Variants in PPIL6 observed in about 807,000 individuals in gnomAD.
PPIL6 encodes the protein peptidylprolyl isomerase like 6.
Under a neutral mutation model 36.8 loss-of-function variants are expected in PPIL6, and 39 were observed. That is an observed-to-expected ratio of 1.06 (90% CI 0.82 to 1.38). PPIL6 has a LOEUF of 1.38. PPIL6 is among the 40% of genes most tolerant of loss of function. The pLI is 0.00. For synonymous variants in PPIL6, 123 were observed against 134.1 expected, an observed-to-expected ratio of 0.92 and a Z score of 0.57; for missense variants, 368 against 379.1, an observed-to-expected ratio of 0.97 and a Z score of 0.24.
rs113551855 is a variant in PPIL6, at chr6:109,436,322, G to T, written c.136-123C>A. On this transcript the variant is annotated intron_variant, in intron 1 of 7. Transcript: ENST00000521072. ...AACACAAGCCCAGGCCATGCAGTCC[G>T]ACTGAGATATTCCTTGCTCGCTGTC... is the stretch of plus-strand genomic sequence containing the variant. 1,909 of 623,514 alleles carry T rather than the reference G, an allele frequency of 3.1e-3. 7 individuals carry two copies. Among genetic ancestry groups the T allele is most frequent in the Non-Finnish European group, 4.7e-3 (1,632 of 350,894 alleles). The allele number at this position is 623,514 out of a possible 1,614,324, so 38.6% of individuals were successfully genotyped here.
In PPIL6 at chr6:109,401,628, C is replaced by A. The variant is rs1772543438; in HGVS notation, c.689-1458G>T. Among the ~76,000 whole-genome samples the A allele has an allele frequency of 2.0e-5, 3 of 152,066 alleles. No individual in the cohort carries two copies. In the South Asian group the frequency reaches 6.2e-4, roughly 31 times the overall value. ...ATGAGTCTATATAATTACGCTGATG[C>A]TCCTTATTCATTTCAGTGAAATAAA... On this transcript the variant is annotated intron_variant, in intron 6 of 7. Transcript: ENST00000521072.
At chr6:109,435,319 G>C (rs1421005984) in intron 2 of PPIL6, among the ~76,000 whole-genome samples, 2 of 137,848 alleles carry the variant, frequency 1.5e-5, no homozygotes, top group African/African-American at 5.5e-5. Context: ...TTTTTTTGGA[G>C]ACAGAGTCTC....
At chr6:109,412,619 G>A (rs1773063583) in intron 6 of PPIL6, among the ~76,000 whole-genome samples, 1 of 152,086 alleles carries the variant, frequency 6.6e-6, no homozygotes, top group Non-Finnish European at 1.5e-5. Flanking sequence ...TTCAACAAAG[G>A]TGCCAAGAAC....
chr6:109,441,011 G>A (rs926515094), upstream of PPIL6: 4 of 1,116,158 alleles, frequency 3.6e-6, no homozygotes, highest in Non-Finnish European at 5.3e-6. Flanking sequence ...TGTGCGCGCC[G>A]CCTGCGAAGA....
At chr6:109,394,089 G>T (rs917308272) in intron 7 of PPIL6, among the ~76,000 whole-genome samples, 1 of 151,866 alleles carries the variant, frequency 6.6e-6, no homozygotes, top group African/African-American at 2.4e-5. Context: ...TGCTAGTTTC[G>T]ACTGGATGTG....
At chr6:109,435,977 G>A (rs564351936) in intron 2 of PPIL6, 127 bp downstream of exon 2, 8 of 727,374 alleles carry the variant, frequency 1.1e-5, no homozygotes, top group Admixed American at 2.2e-5. Context: ...GGAAAAGTAC[G>A]TAATGTAGAG....
At chr6:109,430,041 C>T (rs992425239) in intron 3 of PPIL6, among the ~76,000 whole-genome samples, 5 of 152,206 alleles carry the variant, frequency 3.3e-5, no homozygotes, top group African/African-American at 1.2e-4. Flanking sequence ...TAAATGCCTC[C>T]CCACACCCCA....
chr6:109,440,721 T>C, upstream of PPIL6: 1 of 610,396 alleles, frequency 1.6e-6, no homozygotes, highest in Non-Finnish European at 2.2e-6. Flanking sequence ...CGGCTGGGCC[T>C]TTCCTCAACT....
intron 6 of PPIL6, among the ~76,000 whole-genome samples, chr6:109,405,400 C>A (rs1396173426): frequency 6.6e-6 from 1 of 152,160 alleles, no homozygotes; most frequent in African/African-American, 2.4e-5. Flanking sequence ...CAGGTTCTTA[C>A]CTCCATCCCT....
intron 1 of PPIL6, among the ~76,000 whole-genome samples, chr6:109,437,788 T>G (rs566094006): frequency 6.6e-6 from 1 of 152,258 alleles, no homozygotes; most frequent in East Asian, 1.9e-4. Context: ...CAGGCTGGTC[T>G]TGAACTCCTG....
chr6:109,395,763 C>T (rs1394868757), intron 7 of PPIL6, among the ~76,000 whole-genome samples: 7 of 151,590 alleles, frequency 4.6e-5, no homozygotes, highest in South Asian at 2.1e-4. Context: ...TGCCACCATG[C>T]GTGGCTAACT....
intron 6 of PPIL6, among the ~76,000 whole-genome samples, chr6:109,412,992 TACTAAAAATACAAA>T (rs1420158093): frequency 2.0e-4 from 31 of 152,100 alleles, no homozygotes; most frequent in Non-Finnish European, 4.4e-4. Context: ...ACCCTGTCTC[TACTAAAAATACAAA>T]AATTAGCCAG....
At chr6:109,435,731 C>G (rs778287818) in intron 2 of PPIL6, among the ~76,000 whole-genome samples, 2 of 152,072 alleles carry the variant, frequency 1.3e-5, no homozygotes, top group Non-Finnish European at 2.9e-5. Flanking sequence ...TTGAGACTAC[C>G]CTGGGCAACA....
In PPIL6 at chr6:109,417,444, A is replaced by G. The variant is rs1773324525; in HGVS notation, c.688+1743T>C. On this transcript the variant is annotated intron_variant, in intron 6 of 7. Coordinates refer to ENST00000521072, the MANE Select transcript of PPIL6 (RefSeq NM_173672.5). ...TTCTTTAAGTGGACTCGTACATTTC[A>G]AATCCATGTTGCTCAAGGGTCAACT... Among the ~76,000 whole-genome samples, 3 of 151,956 alleles carry G rather than the reference A, an allele frequency of 2.0e-5. 1 individual carries two copies. The highest frequency in any genetic ancestry group is 1.9e-4 in the East Asian group (1 of 5,188).
intron 1 of PPIL6, 183 bp downstream of exon 1, chr6:109,440,273 C>T (rs893204325): frequency 1.1e-5 from 8 of 756,102 alleles, no homozygotes; most frequent in Non-Finnish European, 1.8e-5. Flanking sequence ...CCCGCACTTG[C>T]CCCCCTATAC....
chr6:109,398,126 A>G (rs1772377043), intron 7 of PPIL6, among the ~76,000 whole-genome samples: 1 of 152,090 alleles, frequency 6.6e-6, no homozygotes, highest in African/African-American at 2.4e-5. Context: ...TCCTGACCTC[A>G]TGATCTACCC....
At chr6:109,410,038 C>A (rs79965306) in intron 6 of PPIL6, among the ~76,000 whole-genome samples, 2,781 of 152,102 alleles carry the variant, frequency 0.018, 80 homozygotes, top group African/African-American at 0.064. Context: ...GTAGGGCCCG[C>A]TTCTCTGACC....
intron 5 of PPIL6, among the ~76,000 whole-genome samples, chr6:109,422,796 A>G (rs1773615962): frequency 6.6e-6 from 1 of 152,256 alleles, no homozygotes; most frequent in South Asian, 2.1e-4. Context: ...TATAAATGTA[A>G]GTCAAATGGA....
At position 109,392,064 on chromosome 6, in the gene PPIL6, A is replaced by G. The variant is rs1236183315; in HGVS notation, c.*762T>C. 1 of 152,244 alleles carries G rather than the reference A, an allele frequency of 6.6e-6. No homozygotes were observed. The highest frequency in any genetic ancestry group is 1.5e-5 in the Non-Finnish European group (1 of 68,038). 9.4% of individuals were successfully genotyped at this position (152,244 alleles called of 1,614,324 possible). A position where few individuals can be genotyped will look rare whatever the true frequency, so the allele number is the denominator to read the frequency against. The stretch of plus-strand genomic sequence containing the variant: ...ATTCTCAACCAACAGTAACATAAAC[A>G]ACACAACACAGGGCTCTGTTAGTCT... On this transcript the variant is annotated 3_prime_UTR_variant, in exon 8 of 8. Coordinates refer to ENST00000521072, the MANE Select transcript of PPIL6 (RefSeq NM_173672.5).
Sources: allele counts gnomAD v4.1 joint callset (sites outside exome capture counted in the v4.1 genomes callset), GRCh38; gene constraint gnomAD v4.1.1; transcripts MANE v1.5; gene names NCBI Gene and HGNC (gene_info 2026-07-23, HGNC 2026-07-21).